PTPRD: variants seen among roughly 807,000 people sequenced by gnomAD.
PTPRD encodes protein tyrosine phosphatase receptor type D, also known as receptor-type tyrosine-protein phosphatase delta.
PTPRD carries 34 observed loss-of-function variants against 214.5 expected under a neutral mutation model. That is an observed-to-expected ratio of 0.16 (90% CI 0.12 to 0.21). The LOEUF is 0.21. Among genes scored for constraint, PTPRD ranks in the 10% least tolerant of loss-of-function variants. The pLI is 1.00. For synonymous variants in PTPRD, 1,128 were observed against 845.7 expected (o/e 1.33, Z -5.79); for missense variants, 2,545 against 2,398.7 (o/e 1.06, Z -1.27).
At chr9:9,520,240 A>G (rs1029515280) in intron 8 of PTPRD, among the ~76,000 whole-genome samples, 1 of 148,488 alleles carries the variant, frequency 6.7e-6, no homozygotes, top group Non-Finnish European at 1.5e-5. Context: ...TTTTGTATTT[A>G]AATGTAAAAA....
intron 9 of PTPRD, among the ~76,000 whole-genome samples, chr9:9,185,061 G>T (rs1266474353): frequency 6.6e-6 from 1 of 152,034 alleles, no homozygotes; most frequent in Admixed American, 6.6e-5. Context: ...TGAGAGCATT[G>T]CACAACCTTA....
At chr9:9,325,564 G>A (rs1041578816) in intron 9 of PTPRD, among the ~76,000 whole-genome samples, 5 of 152,140 alleles carry the variant, frequency 3.3e-5, no homozygotes, top group African/African-American at 9.7e-5. Flanking sequence ...CTTTGCTGAA[G>A]TTGCCTATCA....
At chr9:9,318,568 C>A (rs1461551833) in intron 9 of PTPRD, among the ~76,000 whole-genome samples, 1 of 152,080 alleles carries the variant, frequency 6.6e-6, no homozygotes, top group Non-Finnish European at 1.5e-5. Flanking sequence ...TCCTAGAAAA[C>A]ACTAGATTTT....
chr9:9,943,204 T>A (rs1603230172), intron 4 of PTPRD, among the ~76,000 whole-genome samples: 1 of 152,140 alleles, frequency 6.6e-6, no homozygotes, highest in South Asian at 2.1e-4. Flanking sequence ...TTGTTAGATA[T>A]CCTAATAGGC....
intron 15 of PTPRD, 141 bp from the exon 16 acceptor site, chr9:8,527,494 C>T (rs1012836669): frequency 9.1e-6 from 7 of 765,724 alleles, no homozygotes; most frequent in Admixed American, 5.2e-5. Context: ...TCTTCATTTA[C>T]AATAACAGAA....
intron 8 of PTPRD, among the ~76,000 whole-genome samples, chr9:9,487,573 A>T (rs1029323843): frequency 2.0e-5 from 3 of 151,784 alleles, no homozygotes; most frequent in African/African-American, 7.3e-5. Context: ...ATTCAAAAAA[A>T]TCTTAGTTTT....
chr9:9,659,519 G>C (rs2096583090), intron 7 of PTPRD, among the ~76,000 whole-genome samples: 1 of 151,948 alleles, frequency 6.6e-6, no homozygotes, highest in African/African-American at 2.4e-5. Flanking sequence ...ATAGGACTCA[G>C]GTGTTAGTAT....
At chr9:9,934,927 C>A (rs2088566819) in intron 5 of PTPRD, among the ~76,000 whole-genome samples, 2 of 152,038 alleles carry the variant, frequency 1.3e-5, no homozygotes, top group African/African-American at 4.8e-5. Flanking sequence ...TCAATATATG[C>A]AAATCAATAA....
chr9:9,911,833 A>T (rs1215199306), intron 5 of PTPRD, among the ~76,000 whole-genome samples: 1 of 152,120 alleles, frequency 6.6e-6, no homozygotes, highest in African/African-American at 2.4e-5. Context: ...TCCTGTGGTG[A>T]TGTTGTTTAA....
At chr9:10,251,300 G>A (rs1595375564) in intron 3 of PTPRD, among the ~76,000 whole-genome samples, 1 of 151,990 alleles carries the variant, frequency 6.6e-6, no homozygotes, top group Non-Finnish European at 1.5e-5. Flanking sequence ...CAAATTTTTA[G>A]ACATGAATCT....
intron 11 of PTPRD, among the ~76,000 whole-genome samples, chr9:8,804,380 T>TA (rs2096632163): frequency 6.6e-6 from 1 of 151,694 alleles, no homozygotes; most frequent in African/African-American, 2.4e-5. Context: ...GGAGGATCAC[T>TA]AGAACCCACA....
chr9:10,197,672 A>G lies in PTPRD; in HGVS notation c.-545+143291T>C, dbSNP rs138495277. 2.5e-3 allele frequency among the ~76,000 whole-genome samples: 380 copies of G among 152,248 alleles called. 5 individuals carry two copies. The highest frequency in any genetic ancestry group is 8.5e-3 in the African/African-American group (352 of 41,554). On this transcript the variant is annotated intron_variant, in intron 3 of 45. Coordinates refer to ENST00000381196, the MANE Select transcript of PTPRD (RefSeq NM_002839.4). The stretch of plus-strand genomic sequence containing the variant: ...CAAGAATCAAAGAATGTATTTCACC[A>G]GTAGGTAGTGTTAGAAGCTTCAGGA...
At chr9:8,830,781 T>A (rs2097272455) in intron 11 of PTPRD, among the ~76,000 whole-genome samples, 1 of 152,026 alleles carries the variant, frequency 6.6e-6, no homozygotes, top group African/African-American at 2.4e-5. Context: ...ATCCGTAATT[T>A]GGGGAAAGGG....
At chr9:10,391,982 G>T (rs1286520395) in intron 2 of PTPRD, among the ~76,000 whole-genome samples, 1 of 151,622 alleles carries the variant, frequency 6.6e-6, no homozygotes, top group African/African-American at 2.4e-5. Context: ...GTCACCTGTT[G>T]GCAAAACCTT....
chr9:10,099,490 A>C lies in PTPRD; in HGVS notation c.-544-65700T>G, dbSNP rs540751769. On this transcript the variant is annotated intron_variant, in intron 3 of 45. Transcript: ENST00000381196. Reference sequence around the variant, plus strand: ...TAAATTCCCAGCATATAGTAAATACAATTTAAGTGGTTGATATTATTATTT... The same window carrying C: ...TAAATTCCCAGCATATAGTAAATACCATTTAAGTGGTTGATATTATTATTT... Among the ~76,000 whole-genome samples the C allele has an allele frequency of 1.8e-4, 27 of 151,864 alleles. No individual in the cohort carries two copies. In the South Asian group the frequency reaches 5.6e-3, roughly 32 times the overall value.
At chr9:9,981,368 T>TTTTG (rs1566906251) in intron 4 of PTPRD, among the ~76,000 whole-genome samples, 1 of 151,270 alleles carries the variant, frequency 6.6e-6, no homozygotes, top group Non-Finnish European at 1.5e-5. Flanking sequence ...TTTTTTTTTT[T>TTTTG]TTTTAAGACA....
chr9:9,537,413 C>A (rs973073310), intron 8 of PTPRD, among the ~76,000 whole-genome samples: 1 of 151,838 alleles, frequency 6.6e-6, no homozygotes, highest in Non-Finnish European at 1.5e-5. Context: ...TCATACTTTT[C>A]TTTTTAAATG....
At chr9:9,931,158 GA>G (rs561932788) in intron 5 of PTPRD, among the ~76,000 whole-genome samples, 223 of 151,758 alleles carry the variant, frequency 1.5e-3, no homozygotes, top group African/African-American at 5.0e-3. Context: ...TTTTCCTATA[GA>G]AAAAAATTGA....
intron 11 of PTPRD, among the ~76,000 whole-genome samples, chr9:8,897,174 T>G (rs2098623826): frequency 6.6e-6 from 1 of 152,310 alleles, no homozygotes; most frequent in African/African-American, 2.4e-5. Context: ...AATCAAGGAA[T>G]ATTTATTAAA....
Sources: allele counts gnomAD v4.1 joint callset (sites outside exome capture counted in the v4.1 genomes callset), GRCh38; gene constraint gnomAD v4.1.1; transcripts MANE v1.5; gene names NCBI Gene and HGNC (gene_info 2026-07-23, HGNC 2026-07-21).